Variants in ANXA10 observed in about 807,000 individuals in gnomAD.
The protein encoded by ANXA10 is annexin A10, also known as annexin 14.
A neutral mutation model predicts 53.5 loss-of-function variants in ANXA10; 49 were observed. That is an observed-to-expected ratio of 0.92 (90% confidence interval 0.73 to 1.16). The LOEUF is 1.16. Ranked by LOEUF, ANXA10 falls within the 50% of genes most tolerant of loss-of-function variation. ANXA10 has a pLI of 0.00. For missense variants in ANXA10, 393 were observed against 394.4 expected, an observed-to-expected ratio of 1.00 and a Z score of 0.03; for synonymous variants, 131 against 128.9, an observed-to-expected ratio of 1.02 and a Z score of -0.11.
chr4:168,127,024 T>C (rs1469632324), intron 1 of ANXA10, among the ~76,000 whole-genome samples: 2 of 152,184 alleles, frequency 1.3e-5, no homozygotes, highest in African/African-American at 4.8e-5. Flanking sequence ...TTAATAGGAA[T>C]GTCTGAGTTC....
chr4:168,182,174 A>T (rs368581822), intron 10 of ANXA10, among the ~76,000 whole-genome samples: 5 of 152,264 alleles, frequency 3.3e-5, no homozygotes, highest in Middle Eastern at 6.8e-3. Context: ...ATGTCAATGG[A>T]TATTTTTGAA....
chr4:168,126,401 T>G lies in ANXA10; in HGVS notation c.19-1683T>G, dbSNP rs558709654. On this transcript the variant is annotated intron_variant, in intron 1 of 11. Transcript: ENST00000359299. The stretch of plus-strand genomic sequence containing the variant: ...TCTTGCAACTTGTATTGCTTCTTTT[T>G]TGTTTCATTCTTTACATTGTTATAA... Among the ~76,000 whole-genome samples the G allele has an allele frequency of 1.1e-3, 162 of 152,320 alleles. 1 individual carries two copies. The highest frequency in any genetic ancestry group is 1.9e-3 in the Non-Finnish European group (132 of 68,012).
At position 168,128,128 on chromosome 4, in the gene ANXA10, G is replaced by T. The variant is rs781019697; in HGVS notation, c.63G>T (p.Met21Ile). ...IFPAPNFNPI[M>I]DAQMLGGALQ... ...CAGCTCCCAATTTCAATCCCATAATGGATGCCCAAATGCTAGGAGGAGCAC... is the reference window on the plus strand; with the variant it reads ...CAGCTCCCAATTTCAATCCCATAATTGATGCCCAAATGCTAGGAGGAGCAC... Residue 21 changes from methionine (M) to isoleucine (I), a missense_variant, in exon 2 of 12, where the codon ATG becomes ATT. Physicochemically the swap from Met to Ile is conservative, Grantham distance 10. Coordinates refer to ENST00000359299, the MANE Select transcript of ANXA10 (RefSeq NM_007193.5). The T allele has an allele frequency of 1.4e-5, 22 of 1,613,456 alleles. No homozygotes were observed. The highest frequency in any genetic ancestry group is 5.0e-5 in the Admixed American group (3 of 59,894).
intron 2 of ANXA10, among the ~76,000 whole-genome samples, chr4:168,134,106 T>C (rs1731197016): frequency 6.6e-6 from 1 of 152,094 alleles, no homozygotes; most frequent in Non-Finnish European, 1.5e-5. Flanking sequence ...ACTTCTTCAA[T>C]TAAGCAATTA....
At position 168,108,229 on chromosome 4, in the gene ANXA10, G is replaced by T. The variant is rs1269637222; in HGVS notation, c.18+15511G>T. Among the ~76,000 whole-genome samples, 3 of 152,020 alleles carry T rather than the reference G, an allele frequency of 2.0e-5. No homozygotes were observed. The East Asian group carries it at 5.8e-4, about 29-fold the overall frequency. On this transcript the variant is annotated intron_variant, in intron 1 of 11. Coordinates refer to ENST00000359299, the MANE Select transcript of ANXA10 (RefSeq NM_007193.5). ...GCCGGCTTCTTTACTGCAACCCCTT[G>T]TATTAGCAAGGTCTTTATGACCTAT...
chr4:168,145,276 G>A (rs1731389212), intron 3 of ANXA10, among the ~76,000 whole-genome samples: 2 of 152,174 alleles, frequency 1.3e-5, no homozygotes, highest in African/African-American at 4.8e-5. Flanking sequence ...TAACACTGAT[G>A]TTTTCCTGAG....
intron 3 of ANXA10, among the ~76,000 whole-genome samples, chr4:168,159,460 G>T (rs1731744298): frequency 6.6e-6 from 1 of 152,088 alleles, no homozygotes; most frequent in South Asian, 2.1e-4. Flanking sequence ...TTTTGTATAG[G>T]ATTTACTTTA....
chr4:168,121,352 A>G (rs1730982530), intron 1 of ANXA10, among the ~76,000 whole-genome samples: 1 of 152,120 alleles, frequency 6.6e-6, no homozygotes, highest in African/African-American at 2.4e-5. Context: ...CCTTGAATCC[A>G]TTGTGTATAC....
intron 10 of ANXA10, among the ~76,000 whole-genome samples, chr4:168,182,792 C>T (rs554954690): frequency 2.0e-5 from 3 of 149,672 alleles, no homozygotes; most frequent in African/African-American, 4.9e-5. Context: ...GGGTGGATCA[C>T]GAGGTCAGGA....
intron 3 of ANXA10, among the ~76,000 whole-genome samples, chr4:168,155,982 C>T (rs1232229260): frequency 5.8e-4 from 2 of 3,476 alleles, no homozygotes; most frequent in South Asian, 0.029. Flanking sequence ...TATGATATAT[C>T]ATATATTATA....
intron 1 of ANXA10, among the ~76,000 whole-genome samples, chr4:168,107,158 CA>C (rs1307855727): frequency 6.6e-6 from 1 of 151,164 alleles, no homozygotes; most frequent in East Asian, 1.9e-4. Flanking sequence ...ATAAGCAGAC[CA>C]ATAAAAAAGA....
chr4:168,176,167 G>A (rs1012027813), intron 6 of ANXA10, among the ~76,000 whole-genome samples: 7 of 152,060 alleles, frequency 4.6e-5, no homozygotes, highest in Non-Finnish European at 7.4e-5. Flanking sequence ...TCAAGATATT[G>A]CCTGCATTTT....
At chr4:168,153,918 T>G (rs1466528664) in intron 3 of ANXA10, among the ~76,000 whole-genome samples, 2 of 152,038 alleles carry the variant, frequency 1.3e-5, no homozygotes, top group Non-Finnish European at 2.9e-5. Flanking sequence ...TTGTTTATTT[T>G]CCTGAAATTA....
intron 2 of ANXA10, among the ~76,000 whole-genome samples, chr4:168,136,387 G>A (rs1731237519): frequency 6.6e-6 from 1 of 152,128 alleles, no homozygotes; most frequent in Non-Finnish European, 1.5e-5. Context: ...TTCTGCCTAT[G>A]AGCCTGTAAA....
At chr4:168,127,817 C>CCTTT (rs1553997928) in intron 1 of ANXA10, 20 of 149,040 alleles carry the variant, frequency 1.3e-4, no homozygotes, top group Non-Finnish European at 2.0e-4. Flanking sequence ...ATGTTGAAAC[C>CCTTT]TTTTTTTTTT....
At chr4:168,103,450 T>C (rs1653265519) in intron 1 of ANXA10, among the ~76,000 whole-genome samples, 1 of 151,978 alleles carries the variant, frequency 6.6e-6, no homozygotes, top group African/African-American at 2.4e-5. Context: ...TTCACTACTT[T>C]GTCAAAAGTT....
At chr4:168,152,618 A>T (rs1315919724) in intron 3 of ANXA10, among the ~76,000 whole-genome samples, 1 of 151,900 alleles carries the variant, frequency 6.6e-6, no homozygotes, top group African/African-American at 2.4e-5. Flanking sequence ...TCCCAGGATC[A>T]CACTCTCAAG....
At chr4:168,160,774 C>T (rs532012209) in intron 3 of ANXA10, among the ~76,000 whole-genome samples, 1 of 152,276 alleles carries the variant, frequency 6.6e-6, no homozygotes, top group South Asian at 2.1e-4. Context: ...GAAACAATAT[C>T]TCACTGTGGT....
chr4:168,131,206 C>G (rs144561739), intron 2 of ANXA10, among the ~76,000 whole-genome samples: 1 of 151,792 alleles, frequency 6.6e-6, no homozygotes, highest in Non-Finnish European at 1.5e-5. Flanking sequence ...TTTAAAAATT[C>G]TCTTGTCACT....
Sources: gnomAD v4.1 joint callset for allele counts (sites outside exome capture counted in the v4.1 genomes callset) on GRCh38, gnomAD v4.1.1 for gene constraint, MANE v1.5 for transcripts, NCBI Gene and HGNC (gene_info 2026-07-23, HGNC 2026-07-21) for gene names.